The following EOGT variants were observed in gnomAD, a reference collection of about 807,000 sequenced individuals.
EOGT encodes the protein EGF domain specific O-linked N-acetylglucosamine transferase.
Under a neutral mutation model 70.5 loss-of-function variants are expected in EOGT, and 55 were observed. The ratio of observed to expected loss-of-function variants is 0.78; its 90% CI spans 0.63 to 0.98. EOGT has a LOEUF of 0.98. EOGT is among the 50% of genes least tolerant of loss of function. EOGT has a pLI of 0.00. For synonymous variants in EOGT, 246 were observed against 217.1 expected (o/e 1.13, Z -1.17); for missense variants, 703 against 641.9 (o/e 1.10, Z -1.03).
chr3:68,992,742 C>G lies in EOGT; in HGVS notation c.832-3725G>C, dbSNP rs1035219866. ...CCTTAGCAGAGGTTCTTCATGAGAG[C>G]CCCGCCCCTGCAGCAAACTTCTGCC... On this transcript the variant is annotated intron_variant, in intron 10 of 17. Coordinates refer to ENST00000383701, the MANE Select transcript of EOGT (RefSeq NM_001278689.2). Among the ~76,000 whole-genome samples the G allele has an allele frequency of 2.0e-5, 3 of 152,356 alleles. No individual in the cohort carries two copies. The South Asian group carries it at 6.2e-4, about 32-fold the overall frequency.
At chr3:69,010,156 A>G (rs2091541979) in intron 3 of EOGT, among the ~76,000 whole-genome samples, 1 of 152,194 alleles carries the variant, frequency 6.6e-6, no homozygotes, top group African/African-American at 2.4e-5. Context: ...AATCAAATAA[A>G]CAACTTCAGC....
At chr3:68,977,907 G>A (rs962744705) in intron 17 of EOGT, 143 bp from the exon 18 acceptor site, 1 of 787,096 alleles carries the variant, frequency 1.3e-6, no homozygotes, top group African/African-American at 1.8e-5. Flanking sequence ...ATAAGGGCCA[G>A]ATGATAAATA....
chr3:68,990,369 T>G (rs1255637583), intron 10 of EOGT, among the ~76,000 whole-genome samples: 1 of 107,786 alleles, frequency 9.3e-6, no homozygotes, highest in Non-Finnish European at 1.9e-5. Context: ...TTTTTTTTTT[T>G]TGAGACTGAG....
intron 10 of EOGT, among the ~76,000 whole-genome samples, chr3:68,993,393 T>C (rs780167396): frequency 2.0e-5 from 3 of 152,214 alleles, no homozygotes; most frequent in South Asian, 2.1e-4. Context: ...TGCCACTCTC[T>C]TTGCTAAAAC....
At chr3:68,993,023 C>T (rs9837899) in intron 10 of EOGT, among the ~76,000 whole-genome samples, 58,357 of 152,140 alleles carry the variant, frequency 0.38, 12,152 homozygotes, top group East Asian at 0.54. Flanking sequence ...AAAACCACTT[C>T]TTCCTCCTGG....
intron 14 of EOGT, among the ~76,000 whole-genome samples, chr3:68,984,047 G>A (rs1009490935): frequency 5.9e-5 from 9 of 152,224 alleles, no homozygotes; most frequent in African/African-American, 2.2e-4. Context: ...GATAGGCTCA[G>A]AGAAGTGAAA....
At chr3:68,989,594 A>G (rs1386110302) in intron 10 of EOGT, among the ~76,000 whole-genome samples, 1 of 151,906 alleles carries the variant, frequency 6.6e-6, no homozygotes, top group Non-Finnish European at 1.5e-5. Flanking sequence ...CTAAAAATAC[A>G]AAAATTAGCC....
chr3:68,978,475 AAG>A (rs1205540970), intron 16 of EOGT, 40 bp from the exon 17 acceptor site: 1 of 1,429,310 alleles, frequency 7.0e-7, no homozygotes, highest in Non-Finnish European at 9.6e-7. Context: ...GCTTTTGTCC[AAG>A]GTTTTTTCCA....
chr3:68,998,050 G>A lies in EOGT; in HGVS notation c.792C>T (p.Asn264=), dbSNP rs571382480. Residue 264 remains asparagine, a synonymous_variant, in exon 10 of 18, where the codon AAC becomes AAT. Transcript: ENST00000383701. The stretch of plus-strand genomic sequence containing the variant: ...CGATGTACACGTCAGTACTGAATGA[G>A]TTATTAACGTGCTGAGTAATATAAA... ...INLYITQHVN[N]SFSTDVYIVM... 63 of 1,600,526 alleles carry A rather than the reference G, an allele frequency of 3.9e-5. No homozygotes were observed. In the South Asian group the frequency reaches 6.3e-4, roughly 16 times the overall value.
chr3:69,010,606 A>C (rs913402514), intron 3 of EOGT, among the ~76,000 whole-genome samples: 15 of 152,252 alleles, frequency 9.9e-5, no homozygotes, highest in African/African-American at 3.1e-4. Flanking sequence ...GTCATGAGTT[A>C]AATGAGTTAG....
In EOGT at chr3:68,992,108, G is replaced by C. The variant is rs113710498; in HGVS notation, c.832-3091C>G. 8.5e-5 allele frequency among the ~76,000 whole-genome samples: 13 copies of C among 152,154 alleles called. No individual in the cohort carries two copies. In the South Asian group the frequency reaches 2.5e-3, roughly 29 times the overall value. ...CAGCCAAACCATATCATTCTGCCCA[G>C]GGCTCTCTAAATCTCGTGTCCCCAC... On this transcript the variant is annotated intron_variant, in intron 10 of 17. Transcript: ENST00000383701.
chr3:69,009,813 G>A lies in EOGT; in HGVS notation c.34C>T (p.His12Tyr). ...TTCTGACCACTCAGTGAGACTTCAT[G>A]AAGTAAGACTCCAAAGACAAACAAC... is the stretch of plus-strand genomic sequence containing the variant. ...LMLFVFGVLL[H>Y]EVSLSGQNEA... Residue 12 changes from histidine (H) to tyrosine (Y), a missense_variant, in exon 4 of 18, where the codon CAT becomes TAT. Physicochemically the swap from His to Tyr is moderately conservative, Grantham distance 83. Transcript: ENST00000383701. 1 of 1,611,690 alleles carries A rather than the reference G, an allele frequency of 6.2e-7. No homozygotes were observed. Among genetic ancestry groups the A allele is most frequent in the Non-Finnish European group, 8.5e-7 (1 of 1,178,866 alleles).
At chr3:68,978,243 T>C (rs2090527579) in intron 17 of EOGT, 90 bp downstream of exon 17, 1 of 919,792 alleles carries the variant, frequency 1.1e-6, no homozygotes, top group African/African-American at 1.7e-5. Flanking sequence ...TTTGCAGCAC[T>C]GAAGTTCAAT....
chr3:68,992,659 A>G (rs969356926), intron 10 of EOGT, among the ~76,000 whole-genome samples: 1 of 152,168 alleles, frequency 6.6e-6, no homozygotes, highest in Non-Finnish European at 1.5e-5. Flanking sequence ...TCCACTAGGC[A>G]GCACCCCACT....
chr3:68,981,925 G>C (rs1278214941), intron 15 of EOGT, among the ~76,000 whole-genome samples: 3 of 141,196 alleles, frequency 2.1e-5, no homozygotes, highest in Non-Finnish European at 4.6e-5. Context: ...TTTTTTTTTT[G>C]AGACAGAGCC....
At chr3:68,986,809 T>A (rs957068130) in intron 14 of EOGT, among the ~76,000 whole-genome samples, 6 of 152,224 alleles carry the variant, frequency 3.9e-5, no homozygotes, top group African/African-American at 1.4e-4. Flanking sequence ...GTCAGGCACC[T>A]TCCCCGTCTT....
chr3:68,989,514 G>A (rs2090918089), intron 10 of EOGT, among the ~76,000 whole-genome samples: 2 of 152,054 alleles, frequency 1.3e-5, no homozygotes, highest in East Asian at 1.9e-4. Context: ...TTGGGAGGCC[G>A]AGGCGGGCAG....
At chr3:68,986,574 T>G (rs1052205524) in intron 14 of EOGT, among the ~76,000 whole-genome samples, 6 of 152,184 alleles carry the variant, frequency 3.9e-5, no homozygotes, top group African/African-American at 7.2e-5. Context: ...TAGAATACAT[T>G]TGACTCTGCC....
Position 68,989,479 on chromosome 3 carries a change from G to A in EOGT, c.832-462C>T, listed in dbSNP as rs540936080. Among the ~76,000 whole-genome samples, 5 of 152,230 alleles carry A rather than the reference G, an allele frequency of 3.3e-5. No individual in the cohort carries two copies. In the East Asian group the frequency reaches 9.7e-4, roughly 29 times the overall value. On this transcript the variant is annotated intron_variant, in intron 10 of 17. Transcript: ENST00000383701. The stretch of plus-strand genomic sequence containing the variant: ...AGTTTTAACACTGGCTGGGTGCGGT[G>A]GCTCACAGCTGTAATCCCAGCACTT...
Sources: gnomAD v4.1 joint callset for allele counts (sites outside exome capture counted in the v4.1 genomes callset) on GRCh38, gnomAD v4.1.1 for gene constraint, MANE v1.5 for transcripts, NCBI Gene and HGNC (gene_info 2026-07-23, HGNC 2026-07-21) for gene names.